PFDN1: variants seen among roughly 807,000 people sequenced by gnomAD.
The protein encoded by PFDN1 is prefoldin 1.
In PFDN1, 6 loss-of-function variants were observed where a neutral mutation model predicts 17.3. The ratio of observed to expected loss-of-function variants is 0.35; its 90% CI spans 0.19 to 0.69. The LOEUF (loss-of-function observed/expected upper bound fraction) is 0.69, where lower values mean the gene tolerates loss of function less well. Among genes scored for constraint, PFDN1 ranks in the 30% least tolerant of loss-of-function variants. The probability of loss-of-function intolerance (pLI) is 0.65; values close to 1 mark genes in which losing one functional copy is unlikely to be tolerated. For synonymous variants in PFDN1, 58 were observed against 50.1 expected, an observed-to-expected ratio of 1.16 and a Z score of -0.67; for missense variants, 113 against 146.2, an observed-to-expected ratio of 0.77 and a Z score of 1.17.
At chr5:140,298,895 T>C (rs1456401621) in intron 2 of PFDN1, among the ~76,000 whole-genome samples, 2 of 151,960 alleles carry the variant, frequency 1.3e-5, no homozygotes, top group Non-Finnish European at 2.9e-5. Flanking sequence ...GGATTACAGG[T>C]GTGCGCCACC....
chr5:140,303,025 A>G lies in PFDN1; in HGVS notation c.33+16T>C, dbSNP rs1463211476. 6.3e-7 allele frequency: 1 copy of G among 1,597,266 alleles called. No individual in the cohort carries two copies. On this transcript the variant is annotated intron_variant, in intron 1 of 3. Coordinates refer to ENST00000261813, the MANE Select transcript of PFDN1 (RefSeq NM_002622.5). Reference sequence around the variant, plus strand: ...TCCAAAAAGAAGACCTCCGCCTGCCAAAGACCCTCTTTTACCTTCTTCAGC... The same window carrying G: ...TCCAAAAAGAAGACCTCCGCCTGCCGAAGACCCTCTTTTACCTTCTTCAGC...
chr5:140,302,649 C>A (rs1364088099), intron 1 of PFDN1, among the ~76,000 whole-genome samples: 2 of 152,154 alleles, frequency 1.3e-5, no homozygotes, highest in Non-Finnish European at 2.9e-5. Context: ...TTTTTCAAAG[C>A]AAATGAGGCA....
chr5:140,256,834 C>T (rs1764994484), intron 3 of PFDN1, among the ~76,000 whole-genome samples: 1 of 152,108 alleles, frequency 6.6e-6, no homozygotes, highest in African/African-American at 2.4e-5. Flanking sequence ...TCTAGCACCA[C>T]TGCCCTCGTC....
chr5:140,258,761 A>G (rs962608982), intron 3 of PFDN1, among the ~76,000 whole-genome samples: 1 of 152,200 alleles, frequency 6.6e-6, no homozygotes, highest in Non-Finnish European at 1.5e-5. Context: ...GAGAGAAGAA[A>G]TGCAGGAGGA....
At chr5:140,277,145 G>A (rs1765308510) in intron 3 of PFDN1, among the ~76,000 whole-genome samples, 1 of 151,448 alleles carries the variant, frequency 6.6e-6, no homozygotes, top group Non-Finnish European at 1.5e-5. Context: ...AGAATCACTT[G>A]TACCCAGGAG....
At chr5:140,298,573 T>TC (rs1290258981) in intron 2 of PFDN1, among the ~76,000 whole-genome samples, 35 of 152,038 alleles carry the variant, frequency 2.3e-4, no homozygotes, top group African/African-American at 8.2e-4. Context: ...GCTTACAGAA[T>TC]ATGAAGCAGA....
intron 2 of PFDN1, among the ~76,000 whole-genome samples, chr5:140,284,720 T>C (rs983069087): frequency 6.6e-6 from 1 of 152,214 alleles, no homozygotes; most frequent in African/African-American, 2.4e-5. Context: ...ACAAATAATA[T>C]GCAGATAACA....
intron 3 of PFDN1, among the ~76,000 whole-genome samples, chr5:140,261,250 A>T (rs1190514778): frequency 6.6e-6 from 1 of 152,098 alleles, no homozygotes; most frequent in Non-Finnish European, 1.5e-5. Context: ...GAAAGTAATG[A>T]TTTTCACCAG....
At position 140,281,578 on chromosome 5, in the gene PFDN1, A is replaced by G; in HGVS notation, c.201-45T>C. 3 of 919,122 alleles carry G rather than the reference A, an allele frequency of 3.3e-6. No homozygotes were observed. The South Asian group carries it at 4.0e-5, about 12-fold the overall frequency. 56.9% of individuals were successfully genotyped at this position (919,122 alleles called of 1,614,324 possible). On this transcript the variant is annotated intron_variant, in intron 2 of 3. Transcript: ENST00000261813. Reference sequence around the variant, plus strand: ...TGAAAATTAAGCCACATGACTATTGAATTCATCGAAATCAATAGCTACATA... The same window carrying G: ...TGAAAATTAAGCCACATGACTATTGGATTCATCGAAATCAATAGCTACATA...
intron 3 of PFDN1, chr5:140,265,616 A>C (rs538026932): frequency 1.3e-5 from 2 of 151,726 alleles, no homozygotes; most frequent in Non-Finnish European, 2.9e-5. Context: ...GTTTTGGGGG[A>C]AAAAAAAATT....
At position 140,292,410 on chromosome 5, in the gene PFDN1, C is replaced by T. The variant is rs186925934; in HGVS notation, c.200+8006G>A. ...AAAGTCTCAGTCAGACACACACATA[C>T]AGGATGCATATTGTGATCCAAATCT... On this transcript the variant is annotated intron_variant, in intron 2 of 3. Coordinates refer to ENST00000261813, the MANE Select transcript of PFDN1 (RefSeq NM_002622.5). Among the ~76,000 whole-genome samples, 109 of 152,228 alleles carry T rather than the reference C, an allele frequency of 7.2e-4. No homozygotes were observed. The Middle Eastern group carries it at 0.017, about 24-fold the overall frequency.
At chr5:140,267,596 C>T (rs1176587653) in intron 3 of PFDN1, among the ~76,000 whole-genome samples, 1 of 152,176 alleles carries the variant, frequency 6.6e-6, no homozygotes, top group East Asian at 1.9e-4. Flanking sequence ...CCTTTCTCCC[C>T]AGGAACTAAA....
chr5:140,256,658 CAAAAAAAAAAAAAA>C (rs757723797), intron 3 of PFDN1, among the ~76,000 whole-genome samples: 2 of 39,890 alleles, frequency 5.0e-5, no homozygotes, highest in African/African-American at 1.4e-4. Flanking sequence ...CAAAAAATGA[CAAAAAAAAAAAAAA>C]AAAAAAAAAA....
intron 3 of PFDN1, among the ~76,000 whole-genome samples, chr5:140,260,977 C>A (rs1765056647): frequency 6.6e-6 from 1 of 151,804 alleles, no homozygotes; most frequent in Non-Finnish European, 1.5e-5. Context: ...GCCTGGCCAA[C>A]ATGGTGAAAC....
chr5:140,298,776 CAG>C (rs1240975325), intron 2 of PFDN1, among the ~76,000 whole-genome samples: 2 of 150,394 alleles, frequency 1.3e-5, no homozygotes, highest in African/African-American at 4.9e-5. Context: ...TTTTTTGAGG[CAG>C]AGTTTCACTC....
chr5:140,282,103 A>G (rs6888747), intron 2 of PFDN1: 37,116 of 151,454 alleles, frequency 0.25, 4,925 homozygotes, highest in South Asian at 0.46. Context: ...GGGAGGATCA[A>G]TTGAGACTGA....
intron 2 of PFDN1, among the ~76,000 whole-genome samples, chr5:140,291,141 A>G (rs890407346): frequency 6.6e-6 from 1 of 152,226 alleles, no homozygotes; most frequent in Non-Finnish European, 1.5e-5. Flanking sequence ...AGGCCATTTG[A>G]CTACAGTGAT....
chr5:140,302,325 G>A (rs931242479), intron 1 of PFDN1, among the ~76,000 whole-genome samples: 1 of 152,170 alleles, frequency 6.6e-6, no homozygotes, highest in Non-Finnish European at 1.5e-5. Flanking sequence ...TTAGAATGCT[G>A]ATCATTCTTA....
intron 3 of PFDN1, among the ~76,000 whole-genome samples, chr5:140,256,624 C>A (rs2126680096): frequency 8.0e-6 from 1 of 125,130 alleles, no homozygotes. Flanking sequence ...GAATGGCACT[C>A]ATCCAACTGC....
Sources: gnomAD v4.1 joint callset for allele counts (sites outside exome capture counted in the v4.1 genomes callset) on GRCh38, gnomAD v4.1.1 for gene constraint, MANE v1.5 for transcripts, NCBI Gene and HGNC (gene_info 2026-07-23, HGNC 2026-07-21) for gene names.